The following ADGRA3 variants were observed in gnomAD, a reference collection of about 807,000 sequenced individuals.
ADGRA3 encodes G-protein coupled receptor 125.
ADGRA3 carries 56 observed loss-of-function variants against 119.8 expected under a neutral mutation model. That is an observed-to-expected ratio of 0.47 (90% CI 0.38 to 0.58). The LOEUF (loss-of-function observed/expected upper bound fraction) is 0.58. Among genes scored for constraint, ADGRA3 ranks in the 20% least tolerant of loss-of-function variants. The pLI is 0.00. For synonymous variants in ADGRA3, 607 were observed against 623.8 expected (o/e 0.97, Z 0.40); for missense variants, 1,516 against 1,649.0 (o/e 0.92, Z 1.40).
At chr4:22,469,542 T>G (rs1009604240) in intron 2 of ADGRA3, among the ~76,000 whole-genome samples, 2 of 152,140 alleles carry the variant, frequency 1.3e-5, no homozygotes, top group African/African-American at 4.8e-5. Context: ...TAGACTCAAA[T>G]TTGTAACTCT....
At chr4:22,468,752 G>C (rs1015009360) in intron 2 of ADGRA3, among the ~76,000 whole-genome samples, 1 of 148,234 alleles carries the variant, frequency 6.7e-6, no homozygotes, top group African/African-American at 2.5e-5. Context: ...TTGGGCAACA[G>C]AGTAAGACTC....
chr4:22,444,001 G>C (rs1329288524), intron 6 of ADGRA3, among the ~76,000 whole-genome samples: 2 of 152,024 alleles, frequency 1.3e-5, no homozygotes, highest in African/African-American at 4.8e-5. Flanking sequence ...TGTTTTATGG[G>C]GTTGTGTGTG....
At chr4:22,480,570 C>A (rs1354272619) in intron 1 of ADGRA3, among the ~76,000 whole-genome samples, 1 of 152,018 alleles carries the variant, frequency 6.6e-6, no homozygotes, top group Non-Finnish European at 1.5e-5. Flanking sequence ...AAAGTATAAA[C>A]ATATATACAC....
At chr4:22,459,434 C>A (rs867330419) in intron 3 of ADGRA3, among the ~76,000 whole-genome samples, 1 of 151,136 alleles carries the variant, frequency 6.6e-6, no homozygotes, top group Admixed American at 6.6e-5. Context: ...AGTTTACCTA[C>A]GCAACAAACC....
At chr4:22,392,379 G>A (rs1376229460) in intron 17 of ADGRA3, among the ~76,000 whole-genome samples, 166 bp downstream of exon 17, 2 of 152,180 alleles carry the variant, frequency 1.3e-5, no homozygotes, top group Non-Finnish European at 2.9e-5. Context: ...AGTTGTCTGA[G>A]GACTCGCAGC....
intron 1 of ADGRA3, among the ~76,000 whole-genome samples, chr4:22,505,467 T>G (rs1719203769): frequency 6.6e-6 from 1 of 151,836 alleles, no homozygotes; most frequent in Non-Finnish European, 1.5e-5. Flanking sequence ...GCCAAGATGA[T>G]GAAACCACAT....
intron 1 of ADGRA3, among the ~76,000 whole-genome samples, chr4:22,503,838 G>A (rs967569077): frequency 1.3e-5 from 2 of 152,182 alleles, no homozygotes; most frequent in African/African-American, 4.8e-5. Flanking sequence ...AGACTGGGGA[G>A]CTTAGACAAC....
At chr4:22,425,164 G>T (rs1715880417) in intron 10 of ADGRA3, among the ~76,000 whole-genome samples, 1 of 151,588 alleles carries the variant, frequency 6.6e-6, no homozygotes, top group African/African-American at 2.4e-5. Context: ...CCTAGCTACT[G>T]CTACGTCCTT....
intron 3 of ADGRA3, chr4:22,455,736 TC>T: frequency 1.1e-6 from 1 of 897,652 alleles, no homozygotes; most frequent in Non-Finnish European, 1.5e-6. Context: ...TTACATTTAA[TC>T]AGACACCTGC....
chr4:22,503,746 G>A (rs1468500896), intron 1 of ADGRA3, among the ~76,000 whole-genome samples: 1 of 152,040 alleles, frequency 6.6e-6, no homozygotes, highest in Non-Finnish European at 1.5e-5. Context: ...TTTAATTCAC[G>A]AACATTTACC....
At chr4:22,487,565 C>T (rs1718474499) in intron 1 of ADGRA3, among the ~76,000 whole-genome samples, 1 of 152,032 alleles carries the variant, frequency 6.6e-6, no homozygotes, top group African/African-American at 2.4e-5. Context: ...GGTTGGTGAC[C>T]CTTGGTCTAA....
At position 22,420,966 on chromosome 4, in the gene ADGRA3, G is replaced by T. The variant is rs147833167; in HGVS notation, c.1729C>A (p.Arg577=). The change falls in exon 12 of 19, where the codon CGG becomes AGG. Residue 577 remains arginine, a synonymous_variant. Coordinates refer to ENST00000334304, the MANE Select transcript of ADGRA3 (RefSeq NM_145290.4). ...DRTGLSDYGR[R]DPEGNLDKQL... ...TTATCCAGGTTTCCCTCTGGATCCC[G>T]CCTCCCATAATCCGAAAGTCCTGTA... The T allele has an allele frequency of 6.2e-7, 1 of 1,613,952 alleles. No individual in the cohort carries two copies. Among genetic ancestry groups the T allele is most frequent in the East Asian group, 2.2e-5 (1 of 44,872 alleles).
chr4:22,482,799 C>T (rs1718297445), intron 1 of ADGRA3, among the ~76,000 whole-genome samples: 1 of 152,202 alleles, frequency 6.6e-6, no homozygotes, highest in South Asian at 2.1e-4. Flanking sequence ...GTTAACATTC[C>T]AGCAGTGTCA....
At chr4:22,419,462 T>C (rs1715561260) in intron 12 of ADGRA3, among the ~76,000 whole-genome samples, 1 of 152,162 alleles carries the variant, frequency 6.6e-6, no homozygotes, top group Non-Finnish European at 1.5e-5. Context: ...GTGTAATGTG[T>C]CCTTGCTCTC....
At chr4:22,511,213 T>C (rs1719436238) in intron 1 of ADGRA3, among the ~76,000 whole-genome samples, 1 of 152,196 alleles carries the variant, frequency 6.6e-6, no homozygotes, top group Admixed American at 6.5e-5. Flanking sequence ...ATCAATGAAA[T>C]CCTCAGAACT....
intron 4 of ADGRA3, among the ~76,000 whole-genome samples, chr4:22,448,413 A>G (rs1716906308): frequency 6.6e-6 from 1 of 152,200 alleles, no homozygotes; most frequent in Non-Finnish European, 1.5e-5. Context: ...TATGCCTGTT[A>G]TGGTATCAAG....
intron 12 of ADGRA3, among the ~76,000 whole-genome samples, chr4:22,418,225 A>G (rs2109030447): frequency 6.6e-6 from 1 of 152,338 alleles, no homozygotes; most frequent in Non-Finnish European, 1.5e-5. Context: ...GACCAACTGA[A>G]GCCAGGTATG....
chr4:22,438,740 A>C (rs1716495379), intron 7 of ADGRA3, among the ~76,000 whole-genome samples: 1 of 152,110 alleles, frequency 6.6e-6, no homozygotes, highest in Admixed American at 6.6e-5. Flanking sequence ...AATGGCAAGT[A>C]ATCCCAGCAC....
chr4:22,440,214 T>C (rs1716557631), intron 7 of ADGRA3, among the ~76,000 whole-genome samples: 1 of 152,144 alleles, frequency 6.6e-6, no homozygotes, highest in Non-Finnish European at 1.5e-5. Context: ...TCCCCTTCAA[T>C]CTCCAAATCT....
Sources: gnomAD v4.1 joint callset for allele counts (sites outside exome capture counted in the v4.1 genomes callset) on GRCh38, gnomAD v4.1.1 for gene constraint, MANE v1.5 for transcripts, NCBI Gene and HGNC (gene_info 2026-07-23, HGNC 2026-07-21) for gene names.